The following ERC1 variants were observed in gnomAD, a reference collection of about 807,000 sequenced individuals.
The protein encoded by ERC1 is RAB6 interacting protein 2.
Under a neutral mutation model 132.0 loss-of-function variants are expected in ERC1, and 56 were observed. That is an observed-to-expected ratio of 0.42 (90% CI 0.34 to 0.53). The LOEUF is 0.53. ERC1 is among the 20% of genes least tolerant of loss of function. The probability of loss-of-function intolerance (pLI) is 0.03; values close to 1 mark genes in which losing one functional copy is unlikely to be tolerated. For synonymous variants in ERC1, 478 were observed against 476.1 expected, an observed-to-expected ratio of 1.00 and a Z score of -0.05; for missense variants, 1,202 against 1,349.9, an observed-to-expected ratio of 0.89 and a Z score of 1.72.
At chr12:1,258,704 A>T (rs991812592) in intron 13 of ERC1, among the ~76,000 whole-genome samples, 8 of 151,940 alleles carry the variant, frequency 5.3e-5, no homozygotes, top group Non-Finnish European at 1.0e-4. Flanking sequence ...TGTCCCTTTT[A>T]AAAAATGTTG....
chr12:1,178,265 T>C (rs1370025128), intron 8 of ERC1, among the ~76,000 whole-genome samples: 1 of 152,048 alleles, frequency 6.6e-6, no homozygotes, highest in Non-Finnish European at 1.5e-5. Flanking sequence ...AGGATTGTTT[T>C]GTAATTCCGT....
intron 18 of ERC1, among the ~76,000 whole-genome samples, chr12:1,487,174 G>A (rs2154433996): frequency 6.6e-6 from 1 of 152,172 alleles, no homozygotes; most frequent in African/African-American, 2.4e-5. Flanking sequence ...CAGAGTTTGG[G>A]GTGCACCAAG....
intron 15 of ERC1, among the ~76,000 whole-genome samples, chr12:1,293,135 C>G (rs1429335938): frequency 6.2e-5 from 8 of 130,016 alleles, no homozygotes; most frequent in Non-Finnish European, 9.9e-5. Flanking sequence ...CAGAGCAAGA[C>G]TCCATCTCAA....
At chr12:1,309,608 T>C (rs1351036845) in intron 15 of ERC1, among the ~76,000 whole-genome samples, 1 of 152,064 alleles carries the variant, frequency 6.6e-6, no homozygotes, top group Non-Finnish European at 1.5e-5. Flanking sequence ...TTCCCCCTTC[T>C]CTCTCCCTTT....
chr12:1,326,237 C>T (rs181609730), intron 15 of ERC1, among the ~76,000 whole-genome samples: 1 of 152,262 alleles, frequency 6.6e-6, no homozygotes, highest in African/African-American at 2.4e-5. Context: ...AGACATTTTA[C>T]TCAAAGACCA....
At chr12:1,446,413 T>C (rs7132447) in intron 18 of ERC1, among the ~76,000 whole-genome samples, 7,188 of 152,230 alleles carry the variant, frequency 0.047, 582 homozygotes, top group African/African-American at 0.16. Flanking sequence ...CTGATAGAAG[T>C]CAGTGATATT....
rs139170920 is a variant in ERC1 at position 1,275,367 on chromosome 12, A to T, written c.2619+12202A>T. 4.4e-3 allele frequency among the ~76,000 whole-genome samples: 666 copies of T among 152,276 alleles called. 9 individuals are homozygous for T. Among genetic ancestry groups the T allele is most frequent in the African/African-American group, 0.015 (635 of 41,548 alleles). On this transcript the variant is annotated intron_variant, in intron 14 of 18. Transcript: ENST00000360905. ...GCTGGGCGTGGTGGTGCACGCCTGT[A>T]GTCCCAGCTACTCAGGAGGCTGAGG...
intron 5 of ERC1, among the ~76,000 whole-genome samples, chr12:1,111,187 A>T (rs1420759183): frequency 6.6e-6 from 1 of 152,102 alleles, no homozygotes; most frequent in Non-Finnish European, 1.5e-5. Flanking sequence ...AAGACCTATC[A>T]GTCTGTGTTT....
At chr12:1,249,165 A>G (rs1020188905) in intron 13 of ERC1, among the ~76,000 whole-genome samples, 6 of 152,154 alleles carry the variant, frequency 3.9e-5, no homozygotes, top group African/African-American at 9.7e-5. Context: ...TGCATGGATT[A>G]TACTTTACAT....
At chr12:1,285,625 A>G (rs1323622298) in intron 14 of ERC1, among the ~76,000 whole-genome samples, 2 of 152,208 alleles carry the variant, frequency 1.3e-5, no homozygotes, top group African/African-American at 4.8e-5. Context: ...AATATGAAAA[A>G]GAAAACCTGA....
At chr12:1,320,606 AG>A (rs2082050402) in intron 15 of ERC1, among the ~76,000 whole-genome samples, 1 of 152,244 alleles carries the variant, frequency 6.6e-6, no homozygotes, top group African/African-American at 2.4e-5. Context: ...TTATTACAAA[AG>A]TCATTTCACA....
chr12:1,129,506 A>G (rs948661402), intron 7 of ERC1, among the ~76,000 whole-genome samples: 1 of 152,230 alleles, frequency 6.6e-6, no homozygotes, highest in Admixed American at 6.5e-5. Flanking sequence ...AGCTTGGGCA[A>G]TAGAGCGAGA....
At chr12:1,158,306 T>A (rs1951581062) in intron 8 of ERC1, among the ~76,000 whole-genome samples, 2 of 152,368 alleles carry the variant, frequency 1.3e-5, no homozygotes, top group East Asian at 1.9e-4. Context: ...TGTTGTTTTT[T>A]GTAAAGGAGA....
chr12:1,478,101 A>C (rs1487387572), intron 18 of ERC1, among the ~76,000 whole-genome samples: 3 of 152,202 alleles, frequency 2.0e-5, no homozygotes, highest in Non-Finnish European at 2.9e-5. Context: ...TCAGCTTGGC[A>C]TTCAACTTTA....
At chr12:1,371,768 A>T (rs1174116551) in intron 15 of ERC1, 65 bp from the exon 16 acceptor site, 14 of 1,541,306 alleles carry the variant, frequency 9.1e-6, no homozygotes, top group Non-Finnish European at 1.2e-5. Context: ...GGTACTGGTA[A>T]TAGTAACTCC....
chr12:1,218,715 T>C (rs1430073754), intron 12 of ERC1, among the ~76,000 whole-genome samples: 1 of 151,864 alleles, frequency 6.6e-6, no homozygotes, highest in Non-Finnish European at 1.5e-5. Flanking sequence ...GATACCAGTG[T>C]CTCCTTATTT....
intron 18 of ERC1, among the ~76,000 whole-genome samples, chr12:1,462,005 A>G (rs1000066123): frequency 1.3e-5 from 2 of 152,364 alleles, no homozygotes; most frequent in South Asian, 2.1e-4. Flanking sequence ...AACAAAAGAT[A>G]TTTAATAGAT....
chr12:1,379,425 G>A (rs1164908144), intron 16 of ERC1, among the ~76,000 whole-genome samples: 1 of 152,124 alleles, frequency 6.6e-6, no homozygotes, highest in Non-Finnish European at 1.5e-5. Flanking sequence ...CCAATTCAGG[G>A]CACTTGAGGT....
chr12:1,044,887 C>A (rs1420986561), intron 2 of ERC1, among the ~76,000 whole-genome samples: 3 of 152,084 alleles, frequency 2.0e-5, no homozygotes, highest in Non-Finnish European at 4.4e-5. Context: ...CATTATTTAA[C>A]ATTTTTATTT....
Sources: gnomAD v4.1 joint callset for allele counts (sites outside exome capture counted in the v4.1 genomes callset) on GRCh38, gnomAD v4.1.1 for gene constraint, MANE v1.5 for transcripts, NCBI Gene and HGNC (gene_info 2026-07-23, HGNC 2026-07-21) for gene names.